SPHKAP: variants seen among roughly 807,000 people sequenced by gnomAD.
SPHKAP encodes A-kinase anchor protein SPHKAP.
SPHKAP carries 67 observed loss-of-function variants against 137.5 expected under a neutral mutation model. The ratio of observed to expected loss-of-function variants is 0.49; its 90% CI spans 0.40 to 0.60. SPHKAP has a LOEUF of 0.60. Among genes scored for constraint, SPHKAP ranks in the 20% least tolerant of loss-of-function variants. The pLI is 0.00. For missense variants in SPHKAP, 2,097 were observed against 2,069.3 expected (o/e 1.01, Z -0.26); for synonymous variants, 813 against 785.3 (o/e 1.04, Z -0.59).
At chr2:228,012,163 C>CAAAAAAAAAAAAAA (rs544782857) in intron 7 of SPHKAP, among the ~76,000 whole-genome samples, 6 of 84,918 alleles carry the variant, frequency 7.1e-5, no homozygotes, top group Admixed American at 3.0e-4. Flanking sequence ...GACTCTACCT[C>CAAAAAAAAAAAAAA]AAAAAAAAAA....
At chr2:227,995,418 T>C in intron 8 of SPHKAP, 91 bp downstream of exon 8, 1 of 1,480,592 alleles carries the variant, frequency 6.8e-7, no homozygotes. Context: ...TCTCTCTTTA[T>C]TAGGGACCCT....
intron 3 of SPHKAP, among the ~76,000 whole-genome samples, chr2:228,050,152 A>G (rs551328089): frequency 3.9e-5 from 6 of 152,214 alleles, no homozygotes; most frequent in African/African-American, 1.2e-4. Context: ...ACCATCTCAC[A>G]TCAGTCAGAA....
At chr2:228,064,415 G>A (rs1031087854) in intron 3 of SPHKAP, among the ~76,000 whole-genome samples, 1 of 152,142 alleles carries the variant, frequency 6.6e-6, no homozygotes, top group African/African-American at 2.4e-5. Context: ...TTAATAATGT[G>A]ATGTTTTTAC....
intron 8 of SPHKAP, chr2:227,994,142 G>T: frequency 1.1e-6 from 1 of 923,658 alleles, no homozygotes; most frequent in African/African-American, 1.8e-5. Context: ...TGAGCATCTG[G>T]CTTGCTATTT....
intron 1 of SPHKAP, among the ~76,000 whole-genome samples, chr2:228,156,388 A>T (rs915665570): frequency 1.3e-5 from 2 of 152,174 alleles, no homozygotes; most frequent in African/African-American, 4.8e-5. Context: ...ATTCAAATTT[A>T]CTTCTGAGCT....
rs200089917 is a variant in SPHKAP, at chr2:228,092,247, GTA to G, written c.246+16583_246+16584del. Among the ~76,000 whole-genome samples the G allele has an allele frequency of 4.5e-3, 658 of 144,710 alleles. 13 individuals are homozygous for G. Among genetic ancestry groups the G allele is most frequent in the African/African-American group, 0.015 (585 of 38,844 alleles). The allele number at this position is 144,710 out of a possible 152,430, so 94.9% of individuals were successfully genotyped here. On this transcript the variant is annotated intron_variant, in intron 3 of 11. Coordinates refer to ENST00000392056, the MANE Select transcript of SPHKAP (RefSeq NM_001142644.2). The stretch of plus-strand genomic sequence containing the variant: ...TATATACACACATGTATACACACGT[GTA>G]TATGTGTGTATACGTACACACACAC...
At chr2:228,136,877 T>A (rs1699450816) in intron 1 of SPHKAP, among the ~76,000 whole-genome samples, 1 of 152,146 alleles carries the variant, frequency 6.6e-6, no homozygotes, top group African/African-American at 2.4e-5. Flanking sequence ...ATGATATTAC[T>A]TCATTTAGGA....
chr2:228,179,598 G>A (rs1299310918), intron 1 of SPHKAP, among the ~76,000 whole-genome samples: 2 of 151,976 alleles, frequency 1.3e-5, no homozygotes, highest in Non-Finnish European at 2.9e-5. Flanking sequence ...ATAAAATACC[G>A]GAAATTACTA....
chr2:228,152,729 T>TG (rs1699973644), intron 1 of SPHKAP, among the ~76,000 whole-genome samples: 1 of 151,956 alleles, frequency 6.6e-6, no homozygotes, highest in South Asian at 2.1e-4. Context: ...CTTTTTTTTT[T>TG]TTAGTAGTTA....
intron 7 of SPHKAP, among the ~76,000 whole-genome samples, chr2:228,001,350 CAT>C (rs1266247553): frequency 8.6e-5 from 12 of 139,968 alleles, no homozygotes; most frequent in East Asian, 2.0e-4. Flanking sequence ...TATATATACA[CAT>C]ATATAAATAT....
In SPHKAP at chr2:228,017,379, T is replaced by A. The variant is rs1694648742; in HGVS notation, c.3475A>T (p.Ile1159Phe). ...GCCTGTTGCATGGCTGAGTTCAGAA[T>A]GCTGCTGGCGTTCTTGCCAGCATAG... ...DYYAGKNASSILNSAMQQACR... is the reference protein window; with the variant it reads ...DYYAGKNASSFLNSAMQQACR... Residue 1159 changes from isoleucine (I) to phenylalanine (F), a missense_variant, in exon 7 of 12, where the codon ATT becomes TTT. Transcript: ENST00000392056. 4 of 1,614,032 alleles carry A rather than the reference T, an allele frequency of 2.5e-6. No homozygotes were observed. The highest frequency in any genetic ancestry group is 3.4e-6 in the Non-Finnish European group (4 of 1,179,988).
intron 1 of SPHKAP, among the ~76,000 whole-genome samples, chr2:228,157,735 A>T (rs566269619): frequency 1.3e-5 from 2 of 152,288 alleles, no homozygotes; most frequent in East Asian, 1.9e-4. Flanking sequence ...GTAGTACATA[A>T]GTCTGTTTTA....
chr2:228,156,635 G>A (rs1700114554), intron 1 of SPHKAP, among the ~76,000 whole-genome samples: 1 of 152,182 alleles, frequency 6.6e-6, no homozygotes, highest in Non-Finnish European at 1.5e-5. Context: ...TGGTTTGGCT[G>A]TGTCCCCACC....
intron 2 of SPHKAP, among the ~76,000 whole-genome samples, chr2:228,121,172 T>C (rs1698890756): frequency 6.6e-6 from 1 of 152,146 alleles, no homozygotes; most frequent in South Asian, 2.1e-4. Context: ...TGGCCACGTA[T>C]CTCTTGAGTA....
intron 3 of SPHKAP, among the ~76,000 whole-genome samples, chr2:228,073,449 G>C (rs1255967264): frequency 2.0e-5 from 3 of 152,188 alleles, no homozygotes; most frequent in Non-Finnish European, 4.4e-5. Flanking sequence ...TGGGTGTTAG[G>C]TAGGGGATAG....
intron 1 of SPHKAP, among the ~76,000 whole-genome samples, chr2:228,156,758 C>T (rs1462405458): frequency 6.6e-6 from 1 of 152,094 alleles, no homozygotes; most frequent in African/African-American, 2.4e-5. Context: ...CTTATGATAG[C>T]GACTAAGTCT....
chr2:228,025,270 A>T (rs573801168), intron 5 of SPHKAP, 124 bp downstream of exon 5: 1 of 1,076,536 alleles, frequency 9.3e-7, no homozygotes, highest in African/African-American at 1.6e-5. Context: ...TTTCTCAAAT[A>T]TAAAGACACT....
chr2:228,084,530 A>T (rs574568850), intron 3 of SPHKAP, among the ~76,000 whole-genome samples: 77 of 152,326 alleles, frequency 5.1e-4, no homozygotes, highest in African/African-American at 1.7e-3. Flanking sequence ...AAATGATGTG[A>T]TGTAAATTTT....
chr2:228,112,567 T>C (rs1380010054), intron 2 of SPHKAP, among the ~76,000 whole-genome samples: 1 of 152,126 alleles, frequency 6.6e-6, no homozygotes, highest in East Asian at 1.9e-4. Context: ...GGGTACATTT[T>C]CGTGGTGAAA....
Sources: allele counts gnomAD v4.1 joint callset (sites outside exome capture counted in the v4.1 genomes callset), GRCh38; gene constraint gnomAD v4.1.1; transcripts MANE v1.5; gene names NCBI Gene and HGNC (gene_info 2026-07-23, HGNC 2026-07-21).